The following HNF4G variants were observed in gnomAD, a reference collection of about 807,000 sequenced individuals.
HNF4G encodes hepatocyte nuclear factor 4 gamma.
Under a neutral mutation model 50.9 loss-of-function variants are expected in HNF4G, and 21 were observed. The observed-to-expected ratio is 0.41, with a 90% CI of 0.29 to 0.59. HNF4G has a LOEUF of 0.59. HNF4G is among the 20% of genes least tolerant of loss of function. The pLI is 0.26. For missense variants in HNF4G, 527 were observed against 559.4 expected (o/e 0.94, Z 0.58); for synonymous variants, 198 against 185.6 (o/e 1.07, Z -0.54).
At chr8:75,544,008 A>G (rs748001840) in intron 2 of HNF4G, 29 bp downstream of exon 2, 10 of 1,541,286 alleles carry the variant, frequency 6.5e-6, no homozygotes, top group Non-Finnish European at 4.4e-6. Context: ...TAGGCAAGTT[A>G]TCTTTACAGA....
At chr8:75,428,491 T>A (rs1408996689) in intron 1 of HNF4G, among the ~76,000 whole-genome samples, 3 of 152,178 alleles carry the variant, frequency 2.0e-5, no homozygotes, top group Non-Finnish European at 1.5e-5. Flanking sequence ...CCAGGCTTAT[T>A]TAATAAGAAG....
chr8:75,416,483 A>G (rs745972974), intron 1 of HNF4G, among the ~76,000 whole-genome samples: 3 of 152,200 alleles, frequency 2.0e-5, no homozygotes, highest in Non-Finnish European at 4.4e-5. Flanking sequence ...ATGGTAAAGT[A>G]CCAGTGGCTT....
At chr8:75,525,594 A>T (rs1480691318) in intron 2 of HNF4G, among the ~76,000 whole-genome samples, 1 of 152,202 alleles carries the variant, frequency 6.6e-6, no homozygotes, top group African/African-American at 2.4e-5. Flanking sequence ...AGCTAGCTCC[A>T]CAGGTTCACT....
At chr8:75,417,113 G>A (rs977450461) in intron 1 of HNF4G, among the ~76,000 whole-genome samples, 1 of 79,042 alleles carries the variant, frequency 1.3e-5, no homozygotes, top group African/African-American at 6.9e-5. Flanking sequence ...ATGGTCGCAC[G>A]CGTGTGCGCA....
intron 1 of HNF4G, among the ~76,000 whole-genome samples, chr8:75,415,918 C>T (rs1311999515): frequency 6.6e-6 from 1 of 151,960 alleles, no homozygotes; most frequent in South Asian, 2.1e-4. Context: ...GCAGGTGGTA[C>T]AATAGGTTCT....
At chr8:75,471,578 G>T (rs886972188) in intron 1 of HNF4G, among the ~76,000 whole-genome samples, 5 of 152,134 alleles carry the variant, frequency 3.3e-5, no homozygotes, top group African/African-American at 1.2e-4. Context: ...TAATTCTCCA[G>T]CCTGTTCCAT....
rs544486042 is a variant in HNF4G, at chr8:75,425,866, C to T, written c.-144+17704C>T. Reference sequence around the variant, plus strand: ...GCTGTCTTGAACATAGTTTACATGTCTTTTACTGGACTTGACACTCCTTTC... The same window carrying T: ...GCTGTCTTGAACATAGTTTACATGTTTTTTACTGGACTTGACACTCCTTTC... On this transcript the variant is annotated intron_variant, in intron 1 of 10. Coordinates refer to the HNF4G transcript ENST00000354370. Among the ~76,000 whole-genome samples, 3 of 152,076 alleles carry T rather than the reference C, an allele frequency of 2.0e-5. No individual in the cohort carries two copies. The South Asian group carries it at 6.2e-4, about 32-fold the overall frequency.
At chr8:75,502,639 G>A (rs1464519837) in intron 2 of HNF4G, among the ~76,000 whole-genome samples, 2 of 152,128 alleles carry the variant, frequency 1.3e-5, no homozygotes, top group African/African-American at 4.8e-5. Flanking sequence ...TTTTAAACAT[G>A]TCTTTTAATA....
chr8:75,535,472 A>T (rs2130774225), upstream of HNF4G, among the ~76,000 whole-genome samples: 1 of 151,900 alleles, frequency 6.6e-6, no homozygotes, highest in Non-Finnish European at 1.5e-5. Context: ...TGAAAAATAC[A>T]CTGGGTTGAT....
rs542873130 is a variant in HNF4G at position 75,530,222 on chromosome 8, C to G, written c.-23-13589C>G. 2.0e-5 allele frequency among the ~76,000 whole-genome samples: 3 copies of G among 152,276 alleles called. No homozygotes were observed. The East Asian group carries it at 5.8e-4, about 29-fold the overall frequency. On this transcript the variant is annotated intron_variant, in intron 2 of 10. Transcript: ENST00000354370. ...GTGATATTAAGCTGAGTTCCCCTATCCTTGATCCTCAGGGCACCAGACTTT... is the reference window on the plus strand; with the variant it reads ...GTGATATTAAGCTGAGTTCCCCTATGCTTGATCCTCAGGGCACCAGACTTT...
chr8:75,436,567 T>G (rs1382805527), intron 1 of HNF4G, among the ~76,000 whole-genome samples: 1 of 151,996 alleles, frequency 6.6e-6, no homozygotes, highest in East Asian at 1.9e-4. Flanking sequence ...GGAAAACTGG[T>G]AGTTAATATA....
intron 2 of HNF4G, among the ~76,000 whole-genome samples, chr8:75,494,631 T>C (rs1247209705): frequency 1.6e-4 from 24 of 152,124 alleles, no homozygotes. Context: ...GGTTTATTAG[T>C]TCTTGAAATT....
chr8:75,416,397 T>C (rs906784721), intron 1 of HNF4G, among the ~76,000 whole-genome samples: 2 of 152,168 alleles, frequency 1.3e-5, no homozygotes, highest in African/African-American at 4.8e-5. Flanking sequence ...TTGAACTTAC[T>C]TGGAAGCTTT....
At chr8:75,483,612 C>T (rs1196781689) in intron 1 of HNF4G, among the ~76,000 whole-genome samples, 3 of 152,128 alleles carry the variant, frequency 2.0e-5, no homozygotes, top group Admixed American at 6.6e-5. Flanking sequence ...CTCCCTAAAA[C>T]GTAAACATAC....
At chr8:75,529,118 T>C (rs7830196) in intron 2 of HNF4G, among the ~76,000 whole-genome samples, 151,920 of 151,926 alleles carry the variant, frequency 1, 75,957 homozygotes, top group Middle Eastern at 1. Context: ...AACCCCGTCT[T>C]TACTAAAAAT....
chr8:75,536,142 G>C (rs1036971391), upstream of HNF4G, among the ~76,000 whole-genome samples: 2 of 151,798 alleles, frequency 1.3e-5, no homozygotes, highest in Non-Finnish European at 2.9e-5. Flanking sequence ...GTAATGTTTT[G>C]CTCAGTTTAG....
intron 1 of HNF4G, among the ~76,000 whole-genome samples, chr8:75,435,514 A>C (rs920701224): frequency 2.0e-5 from 3 of 152,208 alleles, no homozygotes; most frequent in African/African-American, 4.8e-5. Flanking sequence ...ACATCAATTC[A>C]ACATTGTACT....
chr8:75,533,712 T>C (rs1270248358), intron 2 of HNF4G, among the ~76,000 whole-genome samples: 2 of 151,932 alleles, frequency 1.3e-5, no homozygotes, highest in Non-Finnish European at 2.9e-5. Flanking sequence ...AACATTTCAG[T>C]TGAGCCAGTT....
Position 75,556,006 on chromosome 8 carries a change from G to A in HNF4G, c.670G>A (p.Gly224Arg). ...DQVALLRAHA[G>R]EHLLLGATKR... ...GGTGGCACTGTTGAGAGCTCACGCA[G>A]GGGAGCACTTACTGCTTGGAGCTAC... Residue 224 changes from glycine (G) to arginine (R), a missense_variant, in exon 6 of 10, where the codon GGG becomes AGG. By Grantham distance (125) the Gly-to-Arg change is moderately radical (BLOSUM62 -2). Coordinates refer to ENST00000396423, the MANE Select transcript of HNF4G (RefSeq NM_004133.5). 1 of 1,583,074 alleles carries A rather than the reference G, an allele frequency of 6.3e-7. No homozygotes were observed. Among genetic ancestry groups the A allele is most frequent in the South Asian group, 1.2e-5 (1 of 85,874 alleles).
Sources: allele counts gnomAD v4.1 joint callset (sites outside exome capture counted in the v4.1 genomes callset), GRCh38; gene constraint gnomAD v4.1.1; transcripts MANE v1.5; gene names NCBI Gene and HGNC (gene_info 2026-07-23, HGNC 2026-07-21).